RAD51B: variants seen among roughly 807,000 people sequenced by gnomAD.
The protein encoded by RAD51B is DNA repair protein RAD51 homolog 2.
In RAD51B, 38 loss-of-function variants were observed where a neutral mutation model predicts 42.2. The observed-to-expected ratio is 0.90, with a 90% CI of 0.70 to 1.18. The LOEUF (loss-of-function observed/expected upper bound fraction) is 1.18. Ranked by LOEUF, RAD51B falls within the 50% of genes most tolerant of loss-of-function variation. RAD51B has a pLI of 0.00. For missense variants in RAD51B, 373 were observed against 400.7 expected (o/e 0.93, Z 0.59); for synonymous variants, 154 against 145.2 (o/e 1.06, Z -0.43).
At chr14:68,418,254 G>T (rs1023819645) in intron 9 of RAD51B, among the ~76,000 whole-genome samples, 8 of 152,318 alleles carry the variant, frequency 5.3e-5, no homozygotes, top group African/African-American at 1.7e-4. Context: ...TACATGTATT[G>T]ATATATTTAA....
chr14:68,134,140 C>T (rs187581678), intron 7 of RAD51B, among the ~76,000 whole-genome samples: 36 of 152,232 alleles, frequency 2.4e-4, no homozygotes, highest in South Asian at 4.2e-4. Flanking sequence ...CTCTGGTAAC[C>T]GTGAATCTGT....
intron 8 of RAD51B, among the ~76,000 whole-genome samples, chr14:68,308,255 T>C (rs944930463): frequency 1.3e-5 from 2 of 152,208 alleles, no homozygotes; most frequent in African/African-American, 4.8e-5. Flanking sequence ...TATGCCTTCT[T>C]TTCTGTCAGT....
chr14:68,127,652 C>CAT lies in RAD51B; in HGVS notation c.757-164231_757-164230insTA, dbSNP rs1397900818. ...ACACACACACACACACACACACACACACATACACACAGTAATGCTTTTTGT... is the reference window on the plus strand; with the variant it reads ...ACACACACACACACACACACACACACATACATACACACAGTAATGCTTTTTGT... On this transcript the variant is annotated intron_variant, in intron 7 of 10. Transcript: ENST00000471583. 9.5e-5 allele frequency among the ~76,000 whole-genome samples: 11 copies of CAT among 116,168 alleles called. 1 individual carries two copies. In the South Asian group the frequency reaches 2.1e-3, roughly 23 times the overall value. 76.2% of individuals were successfully genotyped at this position (116,168 alleles called of 152,430 possible).
rs371139603 is a variant in RAD51B, at chr14:68,112,526, A to T, written c.757-179358A>T. Reference sequence around the variant, plus strand: ...TAATTCTTCATGCAGATAGTCTTTCAAAATTCTTAGCAAATTTTAATTTTT... The same window carrying T: ...TAATTCTTCATGCAGATAGTCTTTCTAAATTCTTAGCAAATTTTAATTTTT... On this transcript the variant is annotated intron_variant, in intron 7 of 10. Transcript: ENST00000471583. 2.2e-4 allele frequency among the ~76,000 whole-genome samples: 33 copies of T among 152,268 alleles called. No homozygotes were observed. In the East Asian group the frequency reaches 3.3e-3, roughly 15 times the overall value.
In RAD51B at chr14:68,075,130, T is replaced by G. The variant is rs35983607; in HGVS notation, c.756+187926T>G. Among the ~76,000 whole-genome samples the G allele has an allele frequency of 3.5e-3, 531 of 151,916 alleles. 5 individuals are homozygous for G. Among genetic ancestry groups the G allele is most frequent in the African/African-American group, 0.012 (501 of 41,388 alleles). On this transcript the variant is annotated intron_variant, in intron 7 of 10. Coordinates refer to ENST00000471583, the MANE Select transcript of RAD51B (RefSeq NM_133510.4). ...CACCCCAGAGAAACACAAAGCTGCC[T>G]GACAATCAGAACAATCAACCTGGGG...
chr14:68,677,923 T>C (rs1479599964), intron 11 of RAD51B, among the ~76,000 whole-genome samples: 6 of 152,138 alleles, frequency 3.9e-5, no homozygotes, highest in Admixed American at 2.0e-4. Context: ...AGCTGTGTTT[T>C]TCCCCCTACC....
chr14:68,045,426 T>A (rs182430824), intron 7 of RAD51B, among the ~76,000 whole-genome samples: 41 of 152,216 alleles, frequency 2.7e-4, no homozygotes, highest in African/African-American at 9.1e-4. Flanking sequence ...TGTTACCCAT[T>A]TTAGTTCAGT....
chr14:68,482,098 T>C (rs1392912313), downstream of RAD51B, among the ~76,000 whole-genome samples: 4 of 151,794 alleles, frequency 2.6e-5, no homozygotes, highest in Non-Finnish European at 4.4e-5. Flanking sequence ...TGTGGCATTT[T>C]GTATCATTAA....
At chr14:67,886,340 C>T (rs1344578102) in intron 6 of RAD51B, among the ~76,000 whole-genome samples, 1 of 152,064 alleles carries the variant, frequency 6.6e-6, no homozygotes, top group Non-Finnish European at 1.5e-5. Context: ...GTTTCTGGCT[C>T]AATGTCGCTC....
chr14:68,081,794 C>T (rs546446315), intron 7 of RAD51B, among the ~76,000 whole-genome samples: 3 of 152,136 alleles, frequency 2.0e-5, no homozygotes, highest in Non-Finnish European at 2.9e-5. Context: ...TCTGACCCCA[C>T]GGCAGTGTCT....
intron 8 of RAD51B, among the ~76,000 whole-genome samples, chr14:68,351,034 A>G (rs2082775850): frequency 6.6e-6 from 1 of 152,188 alleles, no homozygotes; most frequent in Non-Finnish European, 1.5e-5. Flanking sequence ...CTTCTTTTCA[A>G]TAAACTTGTA....
At chr14:68,148,832 G>A (rs2078311935) in intron 7 of RAD51B, among the ~76,000 whole-genome samples, 1 of 152,160 alleles carries the variant, frequency 6.6e-6, no homozygotes, top group Admixed American at 6.5e-5. Flanking sequence ...GTAGGCTAAT[G>A]GAAGTGTTCT....
chr14:68,677,425 T>C (rs1566970543), intron 11 of RAD51B, among the ~76,000 whole-genome samples: 1 of 152,182 alleles, frequency 6.6e-6, no homozygotes, highest in Non-Finnish European at 1.5e-5. Flanking sequence ...CAGTATGTAG[T>C]GTCTCTTCTC....
chr14:68,188,274 T>C (rs1482061664), intron 7 of RAD51B, among the ~76,000 whole-genome samples: 1 of 151,974 alleles, frequency 6.6e-6, no homozygotes, highest in Non-Finnish European at 1.5e-5. Flanking sequence ...GTTCTTCTTT[T>C]TTCTTTTTCC....
intron 7 of RAD51B, among the ~76,000 whole-genome samples, chr14:67,901,960 C>T (rs1161532782): frequency 2.6e-5 from 4 of 152,044 alleles, no homozygotes; most frequent in African/African-American, 9.7e-5. Context: ...GTATGTTATT[C>T]CAGTGATGGA....
chr14:68,602,357 C>G (rs1485555001), intron 10 of RAD51B, among the ~76,000 whole-genome samples: 1 of 152,098 alleles, frequency 6.6e-6, no homozygotes, highest in African/African-American at 2.4e-5. Flanking sequence ...GCTGACCTCC[C>G]TCACCCACTC....
intron 7 of RAD51B, among the ~76,000 whole-genome samples, chr14:68,089,968 A>G (rs2077062425): frequency 6.6e-6 from 1 of 152,150 alleles, no homozygotes; most frequent in Non-Finnish European, 1.5e-5. Flanking sequence ...AGATTTATAT[A>G]TAAAGTTTAG....
intron 7 of RAD51B, among the ~76,000 whole-genome samples, chr14:68,147,976 G>A (rs556594375): frequency 3.3e-5 from 5 of 152,176 alleles, no homozygotes; most frequent in African/African-American, 1.2e-4. Context: ...TGCAATCCAT[G>A]TCTCTTACCC....
chr14:68,414,859 TAAAAAAA>T (rs33968049), intron 9 of RAD51B, among the ~76,000 whole-genome samples: 2 of 71,222 alleles, frequency 2.8e-5, no homozygotes, highest in Admixed American at 1.7e-4. Context: ...CCATCTCTAC[TAAAAAAA>T]AAAAAAAAAA....
Sources: allele counts gnomAD v4.1 joint callset (sites outside exome capture counted in the v4.1 genomes callset), GRCh38; gene constraint gnomAD v4.1.1; transcripts MANE v1.5; gene names NCBI Gene and HGNC (gene_info 2026-07-23, HGNC 2026-07-21).